FAM114A2: variants seen among roughly 807,000 people sequenced by gnomAD.
FAM114A2 encodes the protein family with sequence similarity 114 member A2.
In FAM114A2, 53 loss-of-function variants were observed where a neutral mutation model predicts 58.4. That is an observed-to-expected ratio of 0.91 (90% CI 0.73 to 1.14). The LOEUF is 1.14. Among genes scored for constraint, FAM114A2 ranks in the 50% most tolerant of loss-of-function variants. The probability of loss-of-function intolerance (pLI) is 0.00; values close to 1 mark genes in which losing one functional copy is unlikely to be tolerated. For synonymous variants in FAM114A2, 228 were observed against 211.4 expected, an observed-to-expected ratio of 1.08 and a Z score of -0.68; for missense variants, 601 against 581.1, an observed-to-expected ratio of 1.03 and a Z score of -0.35.
At position 153,992,662 on chromosome 5, in the gene FAM114A2, TG is replaced by T. The variant is rs1405010149; in HGVS notation, c.*313del. On this transcript the variant is annotated 3_prime_UTR_variant, in exon 14 of 14. Transcript: ENST00000351797. ...ATCCATGACAAAATTGATAACATTT[TG>T]CAACATGTCAAAGAAAGACCAACAT... is the stretch of plus-strand genomic sequence containing the variant. 5.2e-6 allele frequency: 1 copy of T among 192,470 alleles called. No individual in the cohort carries two copies. The highest frequency in any genetic ancestry group is 2.3e-5 in the African/African-American group (1 of 43,020). The allele number at this position is 192,470 out of a possible 1,614,324, so 11.9% of individuals were successfully genotyped here.
intron 5 of FAM114A2, among the ~76,000 whole-genome samples, 194 bp from the exon 6 acceptor site, chr5:154,028,477 A>G (rs774837731): frequency 1.3e-5 from 2 of 152,232 alleles, no homozygotes; most frequent in African/African-American, 2.4e-5. Flanking sequence ...CTGTTTGTCA[A>G]TATCTACTCC....
intron 8 of FAM114A2, among the ~76,000 whole-genome samples, chr5:154,025,215 ATACT>A (rs542788553): frequency 1.1e-4 from 16 of 152,302 alleles, no homozygotes; most frequent in African/African-American, 3.4e-4. Context: ...TGTAAGATGC[ATACT>A]TAAAGGTAAA....
chr5:154,010,651 G>C (rs892578742), intron 9 of FAM114A2, among the ~76,000 whole-genome samples: 3 of 152,142 alleles, frequency 2.0e-5, no homozygotes, highest in African/African-American at 4.8e-5. Context: ...CCAAGAGCAG[G>C]CACTGGCTTA....
chr5:154,024,055 A>G (rs4431388), intron 8 of FAM114A2, among the ~76,000 whole-genome samples: 99,058 of 151,920 alleles, frequency 0.65, 32,666 homozygotes, highest in East Asian at 0.88. Flanking sequence ...AAAACCAAAT[A>G]AGATTCAGGG....
intron 7 of FAM114A2, 73 bp from the exon 8 acceptor site, chr5:154,026,595 C>T: frequency 9.3e-7 from 1 of 1,074,892 alleles, no homozygotes; most frequent in Non-Finnish European, 1.2e-6. Context: ...AGGGAAGAGA[C>T]TATAAAAAGA....
chr5:154,035,868 T>C (rs1772523296), intron 1 of FAM114A2, among the ~76,000 whole-genome samples: 3 of 152,258 alleles, frequency 2.0e-5, no homozygotes, highest in South Asian at 4.1e-4. Flanking sequence ...CCCTATTTTT[T>C]ATTTGAGCCA....
chr5:154,002,417 AG>A, intron 10 of FAM114A2, 27 bp from the exon 11 acceptor site: 1 of 1,607,090 alleles, frequency 6.2e-7, no homozygotes, highest in Non-Finnish European at 8.5e-7. Context: ...AACAAAGCAT[AG>A]CAAAACAAAA....
At chr5:154,009,469 A>T (rs1469611220) in intron 9 of FAM114A2, among the ~76,000 whole-genome samples, 1 of 152,248 alleles carries the variant, frequency 6.6e-6, no homozygotes, top group Non-Finnish European at 1.5e-5. Flanking sequence ...AAATCTTCAC[A>T]TTAAATATTG....
chr5:154,029,484 C>G lies in FAM114A2; in HGVS notation c.495+5G>C. On this transcript the variant is annotated splice_donor_5th_base_variant and intron_variant, in intron 5 of 13. Transcript: ENST00000351797. ...GAACAGACCACCTTGCACTTTTTTA[C>G]TTACTGTGCTCTGAACAGCAGTAGA... is the stretch of plus-strand genomic sequence containing the variant. 1 of 1,551,180 alleles carries G rather than the reference C, an allele frequency of 6.4e-7. No individual in the cohort carries two copies. Among genetic ancestry groups the G allele is most frequent in the Non-Finnish European group, 8.9e-7 (1 of 1,124,452 alleles).
intron 6 of FAM114A2, among the ~76,000 whole-genome samples, 178 bp downstream of exon 6, chr5:154,027,971 C>T (rs1169361620): frequency 6.6e-6 from 1 of 152,182 alleles, no homozygotes; most frequent in Admixed American, 6.5e-5. Context: ...AGAAAAAGAG[C>T]TGGGTATTTT....
At chr5:153,998,019 C>G in intron 11 of FAM114A2, 144 bp from the exon 12 acceptor site, 1 of 503,660 alleles carries the variant, frequency 2.0e-6, no homozygotes, top group Non-Finnish European at 3.6e-6. Flanking sequence ...TACAGTATCC[C>G]CCCCTTATCT....
At chr5:154,026,111 C>T (rs1202806348) in intron 8 of FAM114A2, among the ~76,000 whole-genome samples, 2 of 152,144 alleles carry the variant, frequency 1.3e-5, no homozygotes, top group Non-Finnish European at 2.9e-5. Flanking sequence ...AGCTTTCTAA[C>T]TGCAAAAATA....
chr5:154,022,646 G>C (rs1413735275), intron 8 of FAM114A2, among the ~76,000 whole-genome samples: 2 of 152,232 alleles, frequency 1.3e-5, no homozygotes, highest in African/African-American at 4.8e-5. Flanking sequence ...ACAGGTGCTG[G>C]AGAGGATGTG....
intron 9 of FAM114A2, among the ~76,000 whole-genome samples, chr5:154,007,696 C>A (rs1260026901): frequency 1.3e-5 from 2 of 152,178 alleles, no homozygotes; most frequent in East Asian, 3.8e-4. Flanking sequence ...TAGCACCTAG[C>A]AAATTACTAA....
chr5:153,999,535 G>A (rs1325401117), intron 11 of FAM114A2, among the ~76,000 whole-genome samples: 1 of 151,736 alleles, frequency 6.6e-6, no homozygotes, highest in East Asian at 1.9e-4. Context: ...TCAGGAGGCG[G>A]AGGCAGAAGA....
At chr5:154,010,506 C>A (rs1018371065) in intron 9 of FAM114A2, among the ~76,000 whole-genome samples, 1 of 152,092 alleles carries the variant, frequency 6.6e-6, no homozygotes, top group Non-Finnish European at 1.5e-5. Flanking sequence ...ACTGGGTTGA[C>A]TATGCAATAG....
Position 153,999,966 on chromosome 5 carries a change from T to C in FAM114A2, c.1257-2091A>G, listed in dbSNP as rs148700420. Among the ~76,000 whole-genome samples the C allele has an allele frequency of 2.6e-3, 390 of 152,232 alleles. 2 individuals carry two copies. The highest frequency in any genetic ancestry group is 9.2e-3 in the African/African-American group (382 of 41,534). ...GTATGTGTGTGTATATATATGTGTGTGTATATATGTATATGTGTATACACA... is the reference window on the plus strand; with the variant it reads ...GTATGTGTGTGTATATATATGTGTGCGTATATATGTATATGTGTATACACA... On this transcript the variant is annotated intron_variant, in intron 11 of 13. Transcript: ENST00000351797.
chr5:154,002,151 C>T (rs12110040), intron 11 of FAM114A2, 100 bp downstream of exon 11: 17,482 of 1,093,736 alleles, frequency 0.016, 510 homozygotes, highest in African/African-American at 0.1. Context: ...ATGGGTGTGA[C>T]GTGAATGGTT....
At chr5:154,027,718 C>T (rs115069527) in intron 6 of FAM114A2, among the ~76,000 whole-genome samples, 1,718 of 152,258 alleles carry the variant, frequency 0.011, 42 homozygotes, top group African/African-American at 0.039. Context: ...TCAGGTTGAT[C>T]TTGTACTCCT....
Sources: gnomAD v4.1 joint callset for allele counts (sites outside exome capture counted in the v4.1 genomes callset) on GRCh38, gnomAD v4.1.1 for gene constraint, MANE v1.5 for transcripts, NCBI Gene and HGNC (gene_info 2026-07-23, HGNC 2026-07-21) for gene names.